The following FCHSD2 variants were observed in gnomAD, a reference collection of about 807,000 sequenced individuals.
FCHSD2 encodes FCH and double SH3 domains 2.
A neutral mutation model predicts 108.1 loss-of-function variants in FCHSD2; 38 were observed. The observed-to-expected ratio is 0.35, with a 90% CI of 0.27 to 0.46. The LOEUF is 0.46. Among genes scored for constraint, FCHSD2 ranks in the 20% least tolerant of loss-of-function variants. The pLI is 1.00. For synonymous variants in FCHSD2, 279 were observed against 314.7 expected (o/e 0.89, Z 1.20); for missense variants, 751 against 897.8 (o/e 0.84, Z 2.09).
At chr11:72,866,805 T>A (rs768389326) in intron 13 of FCHSD2, among the ~76,000 whole-genome samples, 2 of 152,218 alleles carry the variant, frequency 1.3e-5, no homozygotes, top group African/African-American at 4.8e-5. Context: ...CTTCCAAGAA[T>A]GTTGAAAAAT....
intron 8 of FCHSD2, among the ~76,000 whole-genome samples, chr11:72,925,378 C>T (rs1258035901): frequency 6.6e-6 from 1 of 151,984 alleles, no homozygotes; most frequent in African/African-American, 2.4e-5. Context: ...TTAAAAATTC[C>T]AGCTGGGTAC....
At chr11:72,855,210 T>C (rs1427167036) in intron 13 of FCHSD2, among the ~76,000 whole-genome samples, 2 of 151,084 alleles carry the variant, frequency 1.3e-5, no homozygotes, top group African/African-American at 4.9e-5. Flanking sequence ...GAGGCGGAGG[T>C]TGCTGTGAGC....
rs12271446 is a variant in FCHSD2, at chr11:72,967,874, G to A, written c.705+16214C>T. On this transcript the variant is annotated intron_variant, in intron 8 of 19. Coordinates refer to ENST00000409418, the MANE Select transcript of FCHSD2 (RefSeq NM_014824.3). ...TGGGAGGCCGAGGCGGGCGGATCAC[G>A]AGGTCAGGAGATTGAGACCATCCTG... 5.0e-3 allele frequency among the ~76,000 whole-genome samples: 753 copies of A among 151,642 alleles called. 6 individuals carry two copies. Among genetic ancestry groups the A allele is most frequent in the African/African-American group, 0.017 (694 of 41,312 alleles).
intron 14 of FCHSD2, among the ~76,000 whole-genome samples, chr11:72,848,687 G>C (rs1236716474): frequency 6.6e-6 from 1 of 152,174 alleles, no homozygotes; most frequent in Non-Finnish European, 1.5e-5. Flanking sequence ...TTAACGCAGG[G>C]ATGTGCCTGG....
chr11:73,057,078 G>A lies in FCHSD2; in HGVS notation c.165+26617C>T, dbSNP rs191321953. The stretch of plus-strand genomic sequence containing the variant: ...AGCCTGGGCGACAGAGCAAGACTCC[G>A]ACTCAAAAACTAAAAAATAAAATAA... On this transcript the variant is annotated intron_variant, in intron 3 of 19. Coordinates refer to ENST00000409418, the MANE Select transcript of FCHSD2 (RefSeq NM_014824.3). 1.2e-4 allele frequency among the ~76,000 whole-genome samples: 19 copies of A among 152,144 alleles called. 1 individual carries two copies. Among genetic ancestry groups the A allele is most frequent in the East Asian group, 5.8e-4 (3 of 5,188 alleles).
At position 73,075,237 on chromosome 11, in the gene FCHSD2, C is replaced by G. The variant is rs531008117; in HGVS notation, c.165+8458G>C. ...AAATTGCAATAATCACCTGAGAAAA[C>G]CATTTCATGATATTTCCTAAAGCTG... On this transcript the variant is annotated intron_variant, in intron 3 of 19. Coordinates refer to ENST00000409418, the MANE Select transcript of FCHSD2 (RefSeq NM_014824.3). 3.3e-5 allele frequency among the ~76,000 whole-genome samples: 5 copies of G among 152,256 alleles called. No homozygotes were observed. The East Asian group carries it at 9.6e-4, about 29-fold the overall frequency.
chr11:73,011,273 G>A (rs1857858281), intron 4 of FCHSD2, among the ~76,000 whole-genome samples: 1 of 152,156 alleles, frequency 6.6e-6, no homozygotes, highest in African/African-American at 2.4e-5. Context: ...CTGGCAGAAT[G>A]CTCAGGTGGG....
chr11:73,083,644 A>C, intron 3 of FCHSD2, 51 bp downstream of exon 3: 1 of 1,154,768 alleles, frequency 8.7e-7, no homozygotes, highest in South Asian at 1.3e-5. Context: ...TCTGTCCTTA[A>C]GCCACGGAAA....
chr11:73,046,324 G>T (rs554030195), intron 3 of FCHSD2, among the ~76,000 whole-genome samples: 1 of 152,076 alleles, frequency 6.6e-6, no homozygotes, highest in South Asian at 2.1e-4. Context: ...CTTATGAACT[G>T]ATTTTAAAAA....
At chr11:73,009,179 A>C (rs1235698513) in intron 4 of FCHSD2, among the ~76,000 whole-genome samples, 4 of 152,206 alleles carry the variant, frequency 2.6e-5, no homozygotes, top group African/African-American at 9.6e-5. Context: ...TTGGTAAAAA[A>C]TAAAAACAAA....
chr11:73,077,064 T>A (rs1859571606), intron 3 of FCHSD2, among the ~76,000 whole-genome samples: 1 of 131,468 alleles, frequency 7.6e-6, no homozygotes, highest in Non-Finnish European at 1.6e-5. Flanking sequence ...GAGACAAGAT[T>A]ATGCCATTGC....
At chr11:72,855,955 C>T (rs191775254) in intron 13 of FCHSD2, among the ~76,000 whole-genome samples, 1 of 152,146 alleles carries the variant, frequency 6.6e-6, no homozygotes, top group Non-Finnish European at 1.5e-5. Context: ...AAAGAAGAGA[C>T]AAACAGCCTC....
intron 3 of FCHSD2, 80 bp from the exon 4 acceptor site, chr11:73,015,965 A>G: frequency 1.3e-6 from 1 of 758,426 alleles, no homozygotes; most frequent in Non-Finnish European, 2.2e-6. Context: ...CATGACTTAG[A>G]AAATCTCATT....
intron 8 of FCHSD2, among the ~76,000 whole-genome samples, chr11:72,968,412 C>T (rs1372997729): frequency 6.6e-6 from 1 of 152,178 alleles, no homozygotes; most frequent in Non-Finnish European, 1.5e-5. Context: ...GGCTATTTTT[C>T]AGATGTGCTA....
chr11:73,093,510 T>A (rs1272552276), intron 2 of FCHSD2, among the ~76,000 whole-genome samples: 2 of 152,184 alleles, frequency 1.3e-5, no homozygotes, highest in Non-Finnish European at 2.9e-5. Context: ...TTAGAAGAGC[T>A]GTAATGCACC....
intron 2 of FCHSD2, among the ~76,000 whole-genome samples, chr11:73,096,990 T>A (rs1860100241): frequency 1.6e-5 from 1 of 63,862 alleles, no homozygotes; most frequent in Non-Finnish European, 3.3e-5. Context: ...TTGATGGATT[T>A]TTTTTTTTTT....
rs531031385 is a variant in FCHSD2, at chr11:72,859,126, C to G, written c.1308+8739G>C. Among the ~76,000 whole-genome samples, 3 of 152,226 alleles carry G rather than the reference C, an allele frequency of 2.0e-5. No individual in the cohort carries two copies. The East Asian group carries it at 5.8e-4, about 29-fold the overall frequency. ...CAGGATGCGGAGTATAGCAGTCTCC[C>G]CTTATGTGTGGTTTGGCTTTCCATG... On this transcript the variant is annotated intron_variant, in intron 13 of 19. Coordinates refer to ENST00000409418, the MANE Select transcript of FCHSD2 (RefSeq NM_014824.3).
At chr11:73,049,716 G>C (rs1291082299) in intron 3 of FCHSD2, among the ~76,000 whole-genome samples, 1 of 150,438 alleles carries the variant, frequency 6.6e-6, no homozygotes, top group Non-Finnish European at 1.5e-5. Context: ...AAGGGGGAAA[G>C]AGAGACACCT....
chr11:72,859,151 GGT>G (rs1861507603), intron 13 of FCHSD2, among the ~76,000 whole-genome samples: 1 of 152,122 alleles, frequency 6.6e-6, no homozygotes, highest in African/African-American at 2.4e-5. Flanking sequence ...GGCTTTCCAT[GGT>G]GCCAGTTACC....
Sources: gnomAD v4.1 joint callset for allele counts (sites outside exome capture counted in the v4.1 genomes callset) on GRCh38, gnomAD v4.1.1 for gene constraint, MANE v1.5 for transcripts, NCBI Gene and HGNC (gene_info 2026-07-23, HGNC 2026-07-21) for gene names.